The following ATP10D variants were observed in gnomAD, a reference collection of about 807,000 sequenced individuals.
ATP10D encodes ATPase phospholipid transporting 10D (putative), also known as phospholipid-transporting ATPase VD.
Under a neutral mutation model 144.8 loss-of-function variants are expected in ATP10D, and 89 were observed. That is an observed-to-expected ratio of 0.61 (90% CI 0.52 to 0.73). The LOEUF is 0.73. Among genes scored for constraint, ATP10D ranks in the 30% least tolerant of loss-of-function variants. ATP10D has a pLI of 0.00. For missense variants in ATP10D, 1,603 were observed against 1,714.8 expected, an observed-to-expected ratio of 0.93 and a Z score of 1.15; for synonymous variants, 571 against 615.1, an observed-to-expected ratio of 0.93 and a Z score of 1.06.
At chr4:47,544,253 C>A (rs756465919) in intron 9 of ATP10D, among the ~76,000 whole-genome samples, 2 of 152,158 alleles carry the variant, frequency 1.3e-5, no homozygotes, top group Non-Finnish European at 2.9e-5. Context: ...GGTACATAAG[C>A]AAATGCCTGG....
intron 1 of ATP10D, among the ~76,000 whole-genome samples, chr4:47,486,822 A>G (rs1166235135): frequency 2.0e-5 from 3 of 152,246 alleles, no homozygotes; most frequent in Non-Finnish European, 4.4e-5. Flanking sequence ...CTAATTTAAC[A>G]TTCATTAAAT....
chr4:47,500,905 G>A (rs1225826839), intron 1 of ATP10D, among the ~76,000 whole-genome samples: 1 of 152,180 alleles, frequency 6.6e-6, no homozygotes, highest in Non-Finnish European at 1.5e-5. Context: ...AGAATACATG[G>A]CGTGGAAATG....
At chr4:47,581,078 G>T (rs920578928) in intron 20 of ATP10D, among the ~76,000 whole-genome samples, 2 of 151,948 alleles carry the variant, frequency 1.3e-5, no homozygotes, top group South Asian at 4.2e-4. Flanking sequence ...AATCAGAGAG[G>T]CAATGCCAGA....
Position 47,554,751 on chromosome 4 carries a change from G to T in ATP10D, c.1661G>T (p.Arg554Met). ...GAAACAGACGTGGTACCAGACACCA[G>T]GCTTTTAGACAAATTTAGTCAGATT... The part of the protein sequence containing the change: ...PIETDVVPDT[R>M]LLDKFSQITP... Residue 554 changes from arginine (R) to methionine (M), a missense_variant, in exon 11 of 23, where the codon AGG (arginine) becomes ATG (methionine). By Grantham distance (91) the Arg-to-Met change is moderately conservative (BLOSUM62 -1). Coordinates refer to ENST00000273859, the MANE Select transcript of ATP10D (RefSeq NM_020453.4). 6.2e-7 allele frequency: 1 copy of T among 1,613,100 alleles called. No individual in the cohort carries two copies. Among genetic ancestry groups the T allele is most frequent in the Middle Eastern group, 1.7e-4 (1 of 6,058 alleles).
intron 9 of ATP10D, among the ~76,000 whole-genome samples, chr4:47,542,052 C>T (rs551843643): frequency 2.0e-4 from 29 of 146,722 alleles, no homozygotes; most frequent in Admixed American, 5.5e-4. Flanking sequence ...AAAGTCATAA[C>T]GATTTGGATA....
Position 47,515,507 on chromosome 4 carries a change from G to A in ATP10D, c.322G>A (p.Val108Ile). 1.2e-6 allele frequency: 2 copies of A among 1,613,558 alleles called. No individual in the cohort carries two copies. Among genetic ancestry groups the A allele is most frequent in the South Asian group, 2.2e-5 (2 of 91,018 alleles). ...CAATTTATATTTCCTGTTCCTAGTT[G>A]TCCTGAACTGGGTACCTTTGGTAGA... ...AANLYFLFLV[V>I]LNWVPLVEAF... is the part of the protein sequence containing the mutation. The change falls in exon 3 of 23, where the codon GTC becomes ATC. Residue 108 changes from valine to isoleucine, a missense_variant. By Grantham distance (29) the Val-to-Ile change is conservative. Transcript: ENST00000273859.
intron 5 of ATP10D, among the ~76,000 whole-genome samples, chr4:47,534,477 T>C (rs943863859): frequency 6.6e-6 from 1 of 152,104 alleles, no homozygotes; most frequent in Non-Finnish European, 1.5e-5. Flanking sequence ...AAATGCCTAA[T>C]AGAGGTTTGA....
chr4:47,517,841 C>T (rs979573687), intron 3 of ATP10D, among the ~76,000 whole-genome samples: 2 of 152,126 alleles, frequency 1.3e-5, no homozygotes, highest in African/African-American at 4.8e-5. Context: ...TTCATATAAA[C>T]TTAAAGATGA....
rs973306310 is a variant in ATP10D, at chr4:47,592,790, C to T, written c.*1409C>T. The T allele has an allele frequency of 4.6e-5, 7 of 152,500 alleles. No homozygotes were observed. The highest frequency in any genetic ancestry group is 2.1e-4 in the South Asian group (1 of 4,832). 9.4% of individuals were successfully genotyped at this position (152,500 alleles called of 1,614,324 possible). A position where few individuals can be genotyped will look rare whatever the true frequency, so the allele number is the denominator to read the frequency against. Reference sequence around the variant, plus strand: ...AATAGTCTCTTACATAAGCTGATTTCGAGAACTTTCAAAATCTCACATAGC... The same window carrying T: ...AATAGTCTCTTACATAAGCTGATTTTGAGAACTTTCAAAATCTCACATAGC... On this transcript the variant is annotated 3_prime_UTR_variant, in exon 23 of 23. Coordinates refer to ENST00000273859, the MANE Select transcript of ATP10D (RefSeq NM_020453.4).
At position 47,563,844 on chromosome 4, in the gene ATP10D, T is replaced by C. The variant is rs62298024; in HGVS notation, c.2853+79T>C. The C allele has an allele frequency of 3.1e-6, 4 of 1,304,810 alleles. No individual in the cohort carries two copies. In the African/African-American group the frequency reaches 4.7e-5, roughly 15 times the overall value. 80.8% of individuals were successfully genotyped at this position (1,304,810 alleles called of 1,614,324 possible). ...ATTTGAGATTTGATGTATGCAAGGA[T>C]TAAAAAAAAAACAAAACAGCAACCG... On this transcript the variant is annotated intron_variant, in intron 15 of 22. Transcript: ENST00000273859.
rs763620582 is a variant in ATP10D at position 47,568,694 on chromosome 4, C to T, written c.2854-143C>T. ...CACACAGAACTCTCTGTGGAAGACTCGTAAAATCTTTGAAAATAATCAGTT... is the reference window on the plus strand; with the variant it reads ...CACACAGAACTCTCTGTGGAAGACTTGTAAAATCTTTGAAAATAATCAGTT... On this transcript the variant is annotated intron_variant, in intron 15 of 22. Coordinates refer to ENST00000273859, the MANE Select transcript of ATP10D (RefSeq NM_020453.4). The T allele has an allele frequency of 8.3e-6, 6 of 718,584 alleles. No individual in the cohort carries two copies. In the Admixed American group the frequency reaches 8.6e-5, roughly 10 times the overall value. The allele number at this position is 718,584 out of a possible 1,614,324, so 44.5% of individuals were successfully genotyped here.
intron 6 of ATP10D, 53 bp from the exon 7 acceptor site, chr4:47,535,849 C>T (rs938008828): frequency 7.1e-6 from 11 of 1,558,638 alleles, no homozygotes; most frequent in South Asian, 2.4e-5. Context: ...ATATGGTATT[C>T]GCTTCTTGGC....
chr4:47,523,834 A>G (rs1382341546), intron 4 of ATP10D, among the ~76,000 whole-genome samples: 2 of 152,210 alleles, frequency 1.3e-5, no homozygotes, highest in East Asian at 1.9e-4. Context: ...GAATTTCACT[A>G]TGTATGAAAA....
chr4:47,510,417 G>A (rs1452036488), intron 1 of ATP10D, among the ~76,000 whole-genome samples: 1 of 152,124 alleles, frequency 6.6e-6, no homozygotes, highest in African/African-American at 2.4e-5. Flanking sequence ...AAGGAGAAAG[G>A]CAATGTGGGA....
intron 5 of ATP10D, among the ~76,000 whole-genome samples, chr4:47,528,856 G>C (rs1156640155): frequency 6.6e-6 from 1 of 152,060 alleles, no homozygotes; most frequent in Non-Finnish European, 1.5e-5. Context: ...ATTCTGACTG[G>C]TGTGAGATGG....
At chr4:47,536,623 G>C (rs1465868673) in intron 8 of ATP10D, 59 bp downstream of exon 8, 1 of 1,602,320 alleles carries the variant, frequency 6.2e-7, no homozygotes, top group East Asian at 2.2e-5. Flanking sequence ...ATCCAGCTAT[G>C]TTCAGTTTCA....
At chr4:47,496,911 G>A (rs527553297) in intron 1 of ATP10D, among the ~76,000 whole-genome samples, 12 of 151,310 alleles carry the variant, frequency 7.9e-5, no homozygotes, top group South Asian at 2.1e-4. Flanking sequence ...GTGTGATCTC[G>A]GCTCACTGTA....
intron 17 of ATP10D, 102 bp from the exon 18 acceptor site, chr4:47,572,770 G>A: frequency 7.0e-7 from 1 of 1,438,450 alleles, no homozygotes; most frequent in Non-Finnish European, 9.6e-7. Context: ...GCGGTCAGAA[G>A]AAGGTAGAAT....
intron 1 of ATP10D, among the ~76,000 whole-genome samples, chr4:47,505,379 A>G (rs754958757): frequency 1.2e-4 from 18 of 152,236 alleles, no homozygotes; most frequent in African/African-American, 4.3e-4. Context: ...TGTGTTAGAC[A>G]TGCAGACTCC....
Sources: allele counts gnomAD v4.1 joint callset (sites outside exome capture counted in the v4.1 genomes callset), GRCh38; gene constraint gnomAD v4.1.1; transcripts MANE v1.5; gene names NCBI Gene and HGNC (gene_info 2026-07-23, HGNC 2026-07-21).